Variants in CAMK2D observed in about 807,000 individuals in gnomAD.
CAMK2D encodes the protein calcium/calmodulin dependent protein kinase II delta.
Under a neutral mutation model 84.0 loss-of-function variants are expected in CAMK2D, and 37 were observed. The ratio of observed to expected loss-of-function variants is 0.44; its 90% CI spans 0.34 to 0.58. The LOEUF is 0.58. Among genes scored for constraint, CAMK2D ranks in the 20% least tolerant of loss-of-function variants. The pLI, the probability that CAMK2D is intolerant of heterozygous loss-of-function variation, is 0.02. For synonymous variants in CAMK2D, 202 were observed against 212.5 expected (o/e 0.95, Z 0.43); for missense variants, 448 against 652.5 (o/e 0.69, Z 3.41).
At chr4:113,639,400 T>C (rs1333298246) in intron 3 of CAMK2D, among the ~76,000 whole-genome samples, 1 of 152,166 alleles carries the variant, frequency 6.6e-6, no homozygotes, top group African/African-American at 2.4e-5. Context: ...ATGAGGTCCC[T>C]AAGGCCAAAT....
chr4:113,473,519 T>C (rs184851180), intron 16 of CAMK2D, among the ~76,000 whole-genome samples: 1 of 152,350 alleles, frequency 6.6e-6, no homozygotes, highest in Non-Finnish European at 1.5e-5. Flanking sequence ...ATATAAGACA[T>C]GGCAATTACT....
chr4:113,605,335 C>T (rs1012323757), intron 4 of CAMK2D, among the ~76,000 whole-genome samples: 3 of 152,204 alleles, frequency 2.0e-5, no homozygotes, highest in African/African-American at 7.2e-5. Context: ...TTGAGTTTCA[C>T]TTCTTTTCTG....
At chr4:113,462,342 A>ATCTATCTG (rs2097397439) in intron 17 of CAMK2D, among the ~76,000 whole-genome samples, 1 of 147,354 alleles carries the variant, frequency 6.8e-6, no homozygotes, top group African/African-American at 2.5e-5. Context: ...CTGTCTGTCT[A>ATCTATCTG]TCTATCTATC....
chr4:113,682,578 A>C (rs1318745833), intron 2 of CAMK2D, among the ~76,000 whole-genome samples: 3 of 152,134 alleles, frequency 2.0e-5, no homozygotes, highest in Non-Finnish European at 4.4e-5. Flanking sequence ...TGCAATTATG[A>C]GTAGGCCATT....
intron 3 of CAMK2D, among the ~76,000 whole-genome samples, chr4:113,651,374 C>G (rs11935548): frequency 0.05 from 7,587 of 152,130 alleles, 535 homozygotes; most frequent in African/African-American, 0.16. Context: ...AAACAAATTC[C>G]TGTGTTCAAA....
At chr4:113,741,846 T>A (rs2099593741) in intron 2 of CAMK2D, among the ~76,000 whole-genome samples, 1 of 152,192 alleles carries the variant, frequency 6.6e-6, no homozygotes, top group Non-Finnish European at 1.5e-5. Flanking sequence ...ACTTTCTTTC[T>A]ACTCCTGTGC....
chr4:113,724,971 T>C (rs1251451754), intron 2 of CAMK2D, among the ~76,000 whole-genome samples: 1 of 152,034 alleles, frequency 6.6e-6, no homozygotes, highest in Non-Finnish European at 1.5e-5. Flanking sequence ...AATCTGTTTT[T>C]TCATTCATTT....
At chr4:113,608,162 A>T (rs1033236495) in intron 4 of CAMK2D, among the ~76,000 whole-genome samples, 1 of 152,228 alleles carries the variant, frequency 6.6e-6, no homozygotes, top group Middle Eastern at 3.2e-3. Flanking sequence ...ACCATAGGGG[A>T]ACTCAAACAT....
Position 113,491,955 on chromosome 4 carries a change from G to A in CAMK2D, c.1135+8508C>T, listed in dbSNP as rs183102345. Among the ~76,000 whole-genome samples, 1,400 of 152,072 alleles carry A rather than the reference G, an allele frequency of 9.2e-3. 89 individuals carry two copies. Among genetic ancestry groups the A allele is most frequent in the Admixed American group, 0.084 (1,284 of 15,280 alleles). On this transcript the variant is annotated intron_variant, in intron 16 of 20. Transcript: ENST00000511664. The stretch of plus-strand genomic sequence containing the variant: ...GAGCTGTTTGTAGTATTCTCTGATG[G>A]TAGTTTCTATTTCTGTGGGATCGGT...
intron 16 of CAMK2D, among the ~76,000 whole-genome samples, chr4:113,493,655 T>C (rs374865925): frequency 1.3e-5 from 2 of 151,706 alleles, no homozygotes; most frequent in East Asian, 3.9e-4. Context: ...ATCTTTGTGG[T>C]GTTCTCTGTA....
intron 2 of CAMK2D, among the ~76,000 whole-genome samples, chr4:113,682,657 C>T (rs2099349134): frequency 1.3e-5 from 2 of 152,148 alleles, no homozygotes; most frequent in South Asian, 4.1e-4. Flanking sequence ...ATCTTTCTCA[C>T]ATCTATTTTA....
chr4:113,614,305 T>A (rs143436144), intron 3 of CAMK2D, among the ~76,000 whole-genome samples: 6 of 152,206 alleles, frequency 3.9e-5, no homozygotes, highest in African/African-American at 1.4e-4. Flanking sequence ...TCACTAAAAT[T>A]TATTATGGAG....
At position 113,451,732 on chromosome 4, in the gene CAMK2D, A is replaced by G. The variant is rs2097258757; in HGVS notation, c.*2813T>C. ...CACAGTTCTTGCCCATGGAGACATT[A>G]TACTGCAGTAGAGGAGACACAAATA... is the stretch of plus-strand genomic sequence containing the variant. On this transcript the variant is annotated 3_prime_UTR_variant, in exon 21 of 21. Coordinates refer to ENST00000511664, the MANE Select transcript of CAMK2D (RefSeq NM_001321571.2). The G allele has an allele frequency of 6.6e-6, 1 of 152,228 alleles. No individual in the cohort carries two copies. The highest frequency in any genetic ancestry group is 2.4e-5 in the African/African-American group (1 of 41,454). The allele number at this position is 152,228 out of a possible 1,614,324, so 9.4% of individuals were successfully genotyped here.
intron 2 of CAMK2D, among the ~76,000 whole-genome samples, chr4:113,727,926 T>C (rs1396694604): frequency 6.6e-6 from 1 of 152,152 alleles, no homozygotes; most frequent in African/African-American, 2.4e-5. Flanking sequence ...CCAATATCAT[T>C]TGTCTTTAGG....
chr4:113,754,759 A>G, intron 2 of CAMK2D: 2 of 980,518 alleles, frequency 2.0e-6, no homozygotes, highest in Non-Finnish European at 2.4e-6. Flanking sequence ...GAAGAAAATG[A>G]ATGTTTAATA....
intron 2 of CAMK2D, chr4:113,679,428 T>C (rs1220619697): frequency 6.2e-6 from 6 of 974,752 alleles, no homozygotes; most frequent in African/African-American, 1.8e-5. Flanking sequence ...TTCTTTTCTT[T>C]CTTAATTCTT....
intron 7 of CAMK2D, among the ~76,000 whole-genome samples, chr4:113,531,989 ATAAC>A (rs1368243647): frequency 2.0e-5 from 3 of 152,212 alleles, no homozygotes; most frequent in Non-Finnish European, 4.4e-5. Context: ...CATACTAAAA[ATAAC>A]TATCCTCATT....
At chr4:113,455,264 T>C (rs1316062283) in intron 20 of CAMK2D, among the ~76,000 whole-genome samples, 6 of 152,220 alleles carry the variant, frequency 3.9e-5, no homozygotes, top group Non-Finnish European at 7.4e-5. Context: ...CCTGTCCTCA[T>C]GGTCAAGTAC....
chr4:113,641,491 A>T (rs955671355), intron 3 of CAMK2D, among the ~76,000 whole-genome samples: 5 of 152,236 alleles, frequency 3.3e-5, no homozygotes, highest in Non-Finnish European at 5.9e-5. Flanking sequence ...TCAGATTGAC[A>T]CTATCTAAGG....
Sources: allele counts gnomAD v4.1 joint callset (sites outside exome capture counted in the v4.1 genomes callset), GRCh38; gene constraint gnomAD v4.1.1; transcripts MANE v1.5; gene names NCBI Gene and HGNC (gene_info 2026-07-23, HGNC 2026-07-21).